Variants in PACS2 observed in about 807,000 individuals in gnomAD.
PACS2 encodes the protein phosphofurin acidic cluster sorting protein 2, also known as PACS1-like protein.
PACS2 carries 36 observed loss-of-function variants against 113.0 expected under a neutral mutation model. That is an observed-to-expected ratio of 0.32 (90% CI 0.24 to 0.42). The LOEUF is 0.42. Ranked by LOEUF, PACS2 falls within the 10% of genes least tolerant of loss-of-function variation. The probability of loss-of-function intolerance (pLI) is 1.00; values close to 1 mark genes in which losing one functional copy is unlikely to be tolerated. For missense variants in PACS2, 1,015 were observed against 1,239.5 expected (o/e 0.82, Z 2.72); for synonymous variants, 589 against 536.1 (o/e 1.10, Z -1.36).
intron 12 of PACS2, 91 bp downstream of exon 12, chr14:105,381,190 T>A: frequency 8.8e-7 from 1 of 1,136,096 alleles, no homozygotes; most frequent in Non-Finnish European, 1.3e-6. Context: ...TGCGTGTCAG[T>A]CCATCCTGAT....
intron 19 of PACS2, among the ~76,000 whole-genome samples, chr14:105,387,968 G>A (rs1340289792): frequency 2.6e-5 from 4 of 152,272 alleles, no homozygotes; most frequent in Non-Finnish European, 5.9e-5. Flanking sequence ...CCACGTCCAG[G>A]CACTCCTGCC....
chr14:105,392,303 C>T (rs1214414368), intron 22 of PACS2: 7 of 431,724 alleles, frequency 1.6e-5, no homozygotes, highest in Admixed American at 4.0e-5. Context: ...CCGCCGGCTC[C>T]TTCCAGGCTG....
Position 105,344,924 on chromosome 14 carries a change from ATGGTGAAATCG to A in PACS2, c.120-3566_120-3556del, listed in dbSNP as rs1211936077. On this transcript the variant is annotated intron_variant, in intron 1 of 24. Transcript: ENST00000447393. ...GGAGTTCGAGACCAGCCTGGCCAAC[ATGGTGAAATCG>A]TGTCTCCACCAAAAATATAAAAAAT... Among the ~76,000 whole-genome samples, 3 of 151,782 alleles carry A rather than the reference ATGGTGAAATCG, an allele frequency of 2.0e-5. No individual in the cohort carries two copies. The East Asian group carries it at 5.8e-4, about 30-fold the overall frequency.
At chr14:105,382,768 C>A (rs782429509) in intron 14 of PACS2, 39 bp from the exon 15 acceptor site, 3 of 1,329,638 alleles carry the variant, frequency 2.3e-6, no homozygotes, top group South Asian at 2.5e-5. Context: ...GTGGCCTGGG[C>A]GGCTGTGCCG....
chr14:105,382,069 A>G lies in PACS2; in HGVS notation c.1413+11A>G. ...CAGGTGCAGCTGCAGGTGGGGGTGG[A>G]GGGCGTGGCACGCCCAGGAGGCAGG... is the stretch of plus-strand genomic sequence containing the variant. On this transcript the variant is annotated intron_variant, in intron 13 of 24. Coordinates refer to ENST00000447393, the MANE Select transcript of PACS2 (RefSeq NM_001100913.3). 1 of 1,545,094 alleles carries G rather than the reference A, an allele frequency of 6.5e-7. No homozygotes were observed. The highest frequency in any genetic ancestry group is 1.4e-5 in the African/African-American group (1 of 73,108).
chr14:105,396,367 C>G lies in PACS2; in HGVS notation c.*1695C>G, dbSNP rs2081528338. The G allele has an allele frequency of 6.6e-6, 1 of 152,314 alleles. No individual in the cohort carries two copies. The highest frequency in any genetic ancestry group is 1.9e-4 in the East Asian group (1 of 5,196). The allele number at this position is 152,314 out of a possible 1,614,324, so 9.4% of individuals were successfully genotyped here. ...CTTCAGGCTCTGCCCCGAGAAGTGT[C>G]TGCGGTGAGGGTGTGAGCCCCGGGC... On this transcript the variant is annotated 3_prime_UTR_variant, in exon 25 of 25. Transcript: ENST00000447393.
intron 20 of PACS2, chr14:105,390,574 GCAGA>G (rs1595183949): frequency 6.0e-6 from 1 of 168,024 alleles, no homozygotes; most frequent in Non-Finnish European, 1.3e-5. Flanking sequence ...ACAGGGCCTG[GCAGA>G]CAGGTTGCCC....
At chr14:105,349,433 C>CT (rs2060072406) in intron 2 of PACS2, among the ~76,000 whole-genome samples, 1 of 152,250 alleles carries the variant, frequency 6.6e-6, no homozygotes, top group Non-Finnish European at 1.5e-5. Context: ...GGATGGGGCC[C>CT]TGCCCTTGGA....
chr14:105,373,189 G>T (rs79851255), intron 8 of PACS2, among the ~76,000 whole-genome samples: 1 of 152,200 alleles, frequency 6.6e-6, no homozygotes, highest in Non-Finnish European at 1.5e-5. Flanking sequence ...ATTCAAGTGC[G>T]TATCAGATTC....
chr14:105,364,439 C>G (rs587677413), intron 4 of PACS2, among the ~76,000 whole-genome samples: 1 of 93,954 alleles, frequency 1.1e-5, no homozygotes, highest in Non-Finnish European at 1.9e-5. Flanking sequence ...GCGCGGTGGG[C>G]GGCGTCCCGG....
chr14:105,342,515 C>T (rs868958419), intron 1 of PACS2, among the ~76,000 whole-genome samples: 10 of 151,922 alleles, frequency 6.6e-5, no homozygotes, highest in African/African-American at 1.9e-4. Flanking sequence ...GTGATCCACC[C>T]GCCTCGGCCT....
intron 4 of PACS2, among the ~76,000 whole-genome samples, chr14:105,364,376 C>A (rs2060858109): frequency 7.7e-6 from 1 of 129,512 alleles, no homozygotes; most frequent in African/African-American, 3.3e-5. Flanking sequence ...CGGTGGGCGT[C>A]CCGGGTGCGC....
In PACS2 at chr14:105,329,665, C is replaced by T. The variant is rs117240160; in HGVS notation, c.119+14628C>T. Among the ~76,000 whole-genome samples the T allele has an allele frequency of 3.1e-4, 47 of 152,258 alleles. 2 individuals carry two copies. In the East Asian group the frequency reaches 9.1e-3, roughly 29 times the overall value. ...CGATGGCTCAGGGAGGTCCAGACAG[C>T]CCCCTTGTCTAGGTGCGCACCTGGA... is the stretch of plus-strand genomic sequence containing the variant. On this transcript the variant is annotated intron_variant, in intron 1 of 24. Coordinates refer to ENST00000447393, the MANE Select transcript of PACS2 (RefSeq NM_001100913.3). This position sits in a 1 kb window ranked among gnomAD's most constrained non-coding sequence, Gnocchi z 6.4.
intron 4 of PACS2, among the ~76,000 whole-genome samples, chr14:105,360,732 C>T (rs2060650630): frequency 6.6e-6 from 1 of 152,108 alleles, no homozygotes; most frequent in African/African-American, 2.4e-5. Context: ...ATACTTGACT[C>T]TTCTTTTCGC....
intron 3 of PACS2, among the ~76,000 whole-genome samples, chr14:105,353,529 G>A (rs1350120409): frequency 6.6e-6 from 1 of 152,138 alleles, no homozygotes; most frequent in African/African-American, 2.4e-5. Flanking sequence ...GTTGATTATG[G>A]TTTATTCTTA....
intron 1 of PACS2, among the ~76,000 whole-genome samples, chr14:105,326,421 A>G (rs1007229932): frequency 1.3e-5 from 2 of 152,218 alleles, no homozygotes; most frequent in Non-Finnish European, 2.9e-5. Context: ...CAGGAGGCCG[A>G]TGCCCTGCTA....
Position 105,382,854 on chromosome 14 carries a change from G to T in PACS2, c.1566G>T (p.Thr522=), listed in dbSNP as rs143691594. The part of the protein sequence containing the change: ...LQRHTLPVVC[T]CSPADVQAAF... ...GGCACACGCTCCCCGTGGTGTGCAC[G>T]TGCTCTCCTGCGGACGTCCAGGCGG... The change falls in exon 15 of 25, where the codon ACG becomes ACT. Residue 522 remains threonine (T), a synonymous_variant. Transcript: ENST00000447393. 2 of 1,607,546 alleles carry T rather than the reference G, an allele frequency of 1.2e-6. No homozygotes were observed. The highest frequency in any genetic ancestry group is 1.7e-6 in the Non-Finnish European group (2 of 1,179,508).
rs1304746599 is a variant in PACS2 at position 105,323,112 on chromosome 14, G to A, written c.119+8075G>A. On this transcript the variant is annotated intron_variant, in intron 1 of 24. Coordinates refer to ENST00000447393, the MANE Select transcript of PACS2 (RefSeq NM_001100913.3). The surrounding 1 kb of genome is among the most constrained non-coding windows in gnomAD (Gnocchi z 4.1). ...TCGTTGCCAACGGTCGTCTCATGGTGGGTCCTGGTGTGGGTTCTCTTGTGA... is the reference window on the plus strand; with the variant it reads ...TCGTTGCCAACGGTCGTCTCATGGTAGGTCCTGGTGTGGGTTCTCTTGTGA... Among the ~76,000 whole-genome samples, 2 of 152,206 alleles carry A rather than the reference G, an allele frequency of 1.3e-5. No homozygotes were observed. The highest frequency in any genetic ancestry group is 2.4e-5 in the African/African-American group (1 of 41,456).
At chr14:105,391,512 T>TAGCCCC in intron 21 of PACS2, 119 bp from the exon 22 acceptor site, 2 of 611,326 alleles carry the variant, frequency 3.3e-6, no homozygotes, top group Non-Finnish European at 5.8e-6. Flanking sequence ...CACTGGGGAC[T>TAGCCCC]CCCACCCTGC....
Sources: gnomAD v4.1 joint callset for allele counts (sites outside exome capture counted in the v4.1 genomes callset) on GRCh38, gnomAD v4.1.1 for gene constraint, Gnocchi (gnomAD v3.1) non-coding constraint, MANE v1.5 for transcripts, NCBI Gene and HGNC (gene_info 2026-07-23, HGNC 2026-07-21) for gene names.